Variants in SSU72 observed in about 807,000 individuals in gnomAD.
The protein encoded by SSU72 is SSU72 homolog, RNA polymerase II CTD phosphatase.
SSU72 carries 12 observed loss-of-function variants against 22.7 expected under a neutral mutation model. The ratio of observed to expected loss-of-function variants is 0.53; its 90% confidence interval spans 0.34 to 0.86. The LOEUF (loss-of-function observed/expected upper bound fraction) is 0.86, where lower values mean the gene tolerates loss of function less well. SSU72 is among the 40% of genes least tolerant of loss of function. SSU72 has a pLI of 0.02. For synonymous variants in SSU72, 116 were observed against 98.3 expected (o/e 1.18, Z -1.06); for missense variants, 151 against 249.8 (o/e 0.60, Z 2.67).
chr1:1,543,848 G>A (rs377155252), intron 4 of SSU72, 21 bp downstream of exon 4: 77 of 1,589,018 alleles, frequency 4.8e-5, no homozygotes, highest in Non-Finnish European at 6.0e-5. Flanking sequence ...TGCCCAGCGC[G>A]GCGCCCAGCC....
rs1303496282 is a variant in SSU72 at position 1,542,316 on chromosome 1, G to A, written c.484-149C>T. The A allele has an allele frequency of 6.8e-6, 5 of 730,644 alleles. No homozygotes were observed. The highest frequency in any genetic ancestry group is 1.1e-5 in the Non-Finnish European group (5 of 445,052). 45.3% of individuals were successfully genotyped at this position (730,644 alleles called of 1,614,324 possible). Reference sequence around the variant, plus strand: ...CACCCCACCGCTGCTGCCTCACAAGGACGGCCGGAGGCTGCAGGGGGAGAG... The same window carrying A: ...CACCCCACCGCTGCTGCCTCACAAGAACGGCCGGAGGCTGCAGGGGGAGAG... On this transcript the variant is annotated intron_variant, in intron 4 of 4. Coordinates refer to ENST00000291386, the MANE Select transcript of SSU72 (RefSeq NM_014188.3). This position sits in a 1 kb window ranked among gnomAD's most constrained non-coding sequence, Gnocchi z 4.4.
chr1:1,561,018 T>TGG (rs1642583623), intron 2 of SSU72: 1 of 152,214 alleles, frequency 6.6e-6, no homozygotes, highest in African/African-American at 2.4e-5. Flanking sequence ...ATGGCAGTGG[T>TGG]GGGGTCCCCC....
In SSU72 at chr1:1,542,620, G is replaced by C. The variant is rs1642337704; in HGVS notation, c.484-453C>G. On this transcript the variant is annotated intron_variant, in intron 4 of 4. Transcript: ENST00000291386. This position sits in a 1 kb window ranked among gnomAD's most constrained non-coding sequence, Gnocchi z 4.4. ...CGCTGCCCCAGAGTGAGCAGGCCCG[G>C]CTCCTAGGCACACCTGCCCTGGCAC... Among the ~76,000 whole-genome samples the C allele has an allele frequency of 6.6e-6, 1 of 152,084 alleles. No individual in the cohort carries two copies. The highest frequency in any genetic ancestry group is 2.1e-4 in the South Asian group (1 of 4,828).
At chr1:1,573,058 G>A (rs775007229) in intron 1 of SSU72, among the ~76,000 whole-genome samples, 1 of 149,148 alleles carries the variant, frequency 6.7e-6, no homozygotes, top group Non-Finnish European at 1.5e-5. Flanking sequence ...GGAGGCCGAG[G>A]CGGGCAGATC....
intron 2 of SSU72, among the ~76,000 whole-genome samples, chr1:1,560,498 G>A (rs531583300): frequency 1.3e-5 from 2 of 152,310 alleles, no homozygotes; most frequent in South Asian, 2.1e-4. Flanking sequence ...CAATCCCCAA[G>A]GGAGGTTTCA....
At chr1:1,551,610 T>C (rs990875484) in intron 2 of SSU72, among the ~76,000 whole-genome samples, 3 of 152,226 alleles carry the variant, frequency 2.0e-5, no homozygotes, top group African/African-American at 4.8e-5. Context: ...TGACAGCTGC[T>C]GCACTGGGCG....
rs994355565 is a variant in SSU72 at position 1,567,421 on chromosome 1, T to A, written c.81-2505A>T. ...GCGATTCATGACTACAAACCCGTGT[T>A]CACGGCACCCGGACTGTGAAATAAA... On this transcript the variant is annotated intron_variant, in intron 1 of 4. Coordinates refer to ENST00000291386, the MANE Select transcript of SSU72 (RefSeq NM_014188.3). 1.7e-3 allele frequency among the ~76,000 whole-genome samples: 257 copies of A among 152,310 alleles called. 7 individuals are homozygous for A. Among genetic ancestry groups the A allele is most frequent in the Non-Finnish European group, 3.1e-4 (21 of 68,042 alleles).
intron 1 of SSU72, among the ~76,000 whole-genome samples, chr1:1,571,913 G>T (rs1442948726): frequency 6.6e-6 from 1 of 151,512 alleles, no homozygotes; most frequent in East Asian, 2.0e-4. Flanking sequence ...TCCTGCCTCA[G>T]CCTCCTGAGC....
At chr1:1,545,162 G>C in intron 2 of SSU72, 160 bp from the exon 3 acceptor site, 1 of 795,078 alleles carries the variant, frequency 1.3e-6, no homozygotes, top group Non-Finnish European at 2.0e-6. Flanking sequence ...TGAGGCAGGG[G>C]CCTCACTGTC....
intron 1 of SSU72, among the ~76,000 whole-genome samples, chr1:1,565,172 G>C (rs1326345983): frequency 1.3e-5 from 2 of 151,752 alleles, no homozygotes; most frequent in Non-Finnish European, 1.5e-5. Flanking sequence ...AGGAGATCAA[G>C]ACCATCCTGG....
At chr1:1,559,449 A>C (rs1287859784) in intron 2 of SSU72, among the ~76,000 whole-genome samples, 2 of 152,200 alleles carry the variant, frequency 1.3e-5, no homozygotes, top group Non-Finnish European at 2.9e-5. Flanking sequence ...TGATTTGTAC[A>C]TTTTATCTCA....
At chr1:1,572,296 C>T (rs1355116365) in intron 1 of SSU72, among the ~76,000 whole-genome samples, 3 of 139,740 alleles carry the variant, frequency 2.1e-5, no homozygotes, top group African/African-American at 2.6e-5. Flanking sequence ...GGCGTGGTGG[C>T]GGGCGCCTGT....
At chr1:1,573,872 G>A (rs1642770572) in intron 1 of SSU72, among the ~76,000 whole-genome samples, 1 of 152,084 alleles carries the variant, frequency 6.6e-6, no homozygotes. Flanking sequence ...TTATCAAGCA[G>A]GAATAAACTT....
chr1:1,571,448 A>AG (rs1467346017), intron 1 of SSU72, among the ~76,000 whole-genome samples: 1 of 151,236 alleles, frequency 6.6e-6, no homozygotes, highest in Admixed American at 6.6e-5. Context: ...AAAAAAAAAA[A>AG]AGGAAATTGA....
At chr1:1,567,889 G>A (rs1181828932) in intron 1 of SSU72, among the ~76,000 whole-genome samples, 2 of 137,060 alleles carry the variant, frequency 1.5e-5, no homozygotes, top group Admixed American at 1.6e-4. Flanking sequence ...CTCCAGCCTG[G>A]GAAACAGAGC....
At chr1:1,565,918 G>A (rs1260430501) in intron 1 of SSU72, among the ~76,000 whole-genome samples, 2 of 152,094 alleles carry the variant, frequency 1.3e-5, no homozygotes, top group African/African-American at 2.4e-5. Flanking sequence ...TTCTGTCATC[G>A]CTGACAAGCA....
chr1:1,568,164 G>C (rs1035973810), intron 1 of SSU72, among the ~76,000 whole-genome samples: 2 of 152,206 alleles, frequency 1.3e-5, no homozygotes. Context: ...GCCAGCTTGC[G>C]ACTCAACAGC....
chr1:1,557,349 GTTGCAGTGAGCCGAGA>G (rs1642533951), intron 2 of SSU72, among the ~76,000 whole-genome samples: 1 of 150,172 alleles, frequency 6.7e-6, no homozygotes, highest in Admixed American at 6.6e-5. Context: ...GGAGGCGGAG[GTTGCAGTGAGCCGAGA>G]TTGCACCACT....
At chr1:1,545,210 G>A in intron 2 of SSU72, 3 of 583,828 alleles carry the variant, frequency 5.1e-6, no homozygotes, top group South Asian at 4.3e-5. Flanking sequence ...GGCGATGGCA[G>A]GTGCTTGCTC....
Sources: gnomAD v4.1 joint callset for allele counts (sites outside exome capture counted in the v4.1 genomes callset) on GRCh38, gnomAD v4.1.1 for gene constraint, Gnocchi (gnomAD v3.1) non-coding constraint, MANE v1.5 for transcripts, NCBI Gene and HGNC (gene_info 2026-07-23, HGNC 2026-07-21) for gene names.